The following DLC1 variants were observed in gnomAD, a reference collection of about 807,000 sequenced individuals.
DLC1 encodes the protein rho GTPase-activating protein 7.
In DLC1, 54 loss-of-function variants were observed where a neutral mutation model predicts 140.3. The ratio of observed to expected loss-of-function variants is 0.38; its 90% CI spans 0.31 to 0.48. DLC1 has a LOEUF of 0.48. Among genes scored for constraint, DLC1 ranks in the 20% least tolerant of loss-of-function variants. The pLI is 0.96. For missense variants in DLC1, 2,536 were observed against 1,907.0 expected, an observed-to-expected ratio of 1.33 and a Z score of -6.14; for synonymous variants, 986 against 728.1, an observed-to-expected ratio of 1.35 and a Z score of -5.70.
At chr8:13,348,849 G>A (rs1236211570) in intron 4 of DLC1, among the ~76,000 whole-genome samples, 1 of 152,188 alleles carries the variant, frequency 6.6e-6, no homozygotes, top group Non-Finnish European at 1.5e-5. Flanking sequence ...AGGCTGCAGA[G>A]AGCTGTATTC....
chr8:13,479,855 AGAAGAGAAAAAG>A lies in DLC1; in HGVS notation c.1023+19182_1023+19193del, dbSNP rs1449217203. On this transcript the variant is annotated intron_variant, in intron 2 of 17. Transcript: ENST00000276297. ...AAGAAGAAGAAGAAGAAGAAGAAGA[AGAAGAGAAAAAG>A]AAAGAAAGAAAGAAAGAAAGAAAAA... Among the ~76,000 whole-genome samples, 123 of 72,180 alleles carry A rather than the reference AGAAGAGAAAAAG, an allele frequency of 1.7e-3. 3 individuals carry two copies. The highest frequency in any genetic ancestry group is 5.1e-3 in the African/African-American group (103 of 20,076). 47.4% of individuals were successfully genotyped at this position (72,180 alleles called of 152,430 possible). A position where few individuals can be genotyped will look rare whatever the true frequency, so the allele number is the denominator to read the frequency against.
At chr8:13,382,576 G>A (rs1836324883) in intron 4 of DLC1, among the ~76,000 whole-genome samples, 1 of 147,158 alleles carries the variant, frequency 6.8e-6, no homozygotes, top group South Asian at 2.2e-4. Flanking sequence ...AAATATAAAG[G>A]TGCCAGAATT....
At chr8:13,582,117 A>G (rs551501440) in intron 1 of DLC1, among the ~76,000 whole-genome samples, 3 of 152,246 alleles carry the variant, frequency 2.0e-5, no homozygotes, top group East Asian at 1.9e-4. Flanking sequence ...ATTTTTTTCT[A>G]TAGCCTCTGG....
chr8:13,202,970 C>T (rs533324368), intron 5 of DLC1, among the ~76,000 whole-genome samples: 3 of 152,204 alleles, frequency 2.0e-5, no homozygotes, highest in Non-Finnish European at 2.9e-5. Flanking sequence ...ACCAAGCTTC[C>T]CCCTTGTAAC....
chr8:13,346,976 T>C (rs916425662), intron 4 of DLC1, among the ~76,000 whole-genome samples: 1 of 152,252 alleles, frequency 6.6e-6, no homozygotes, highest in Admixed American at 6.5e-5. Context: ...TCCACATTCC[T>C]ATAACTTTTA....
intron 1 of DLC1, among the ~76,000 whole-genome samples, chr8:13,534,052 A>G (rs1803188441): frequency 1.3e-5 from 2 of 152,184 alleles, no homozygotes; most frequent in African/African-American, 4.8e-5. Flanking sequence ...ATGTCCAAAT[A>G]ATTCTGATGA....
chr8:13,575,348 G>A (rs948936147), intron 1 of DLC1, among the ~76,000 whole-genome samples: 2 of 152,032 alleles, frequency 1.3e-5, no homozygotes, highest in African/African-American at 4.8e-5. Flanking sequence ...GGGTTAGGAG[G>A]GGGGTACGAG....
chr8:13,375,325 C>A (rs1323656517), intron 4 of DLC1, among the ~76,000 whole-genome samples: 1 of 152,054 alleles, frequency 6.6e-6, no homozygotes, highest in Non-Finnish European at 1.5e-5. Flanking sequence ...CCGCGCCCGG[C>A]CAAGAATGCT....
At chr8:13,466,530 G>A (rs889090873) in intron 2 of DLC1, among the ~76,000 whole-genome samples, 1 of 152,126 alleles carries the variant, frequency 6.6e-6, no homozygotes, top group Non-Finnish European at 1.5e-5. Flanking sequence ...TTTCCTGTGG[G>A]AGAGATACCT....
chr8:13,088,920 G>C (rs1478394299), intron 15 of DLC1, among the ~76,000 whole-genome samples: 1 of 152,144 alleles, frequency 6.6e-6, no homozygotes, highest in African/African-American at 2.4e-5. Flanking sequence ...ATATTTAAGA[G>C]CAAGCCAGAA....
At chr8:13,278,458 T>G (rs751411538) in intron 5 of DLC1, among the ~76,000 whole-genome samples, 1 of 152,200 alleles carries the variant, frequency 6.6e-6, no homozygotes, top group Admixed American at 6.5e-5. Flanking sequence ...TGCGGAACTT[T>G]AGGATGAATA....
At chr8:13,167,011 T>C (rs1262118562) in intron 5 of DLC1, among the ~76,000 whole-genome samples, 8 of 152,040 alleles carry the variant, frequency 5.3e-5, no homozygotes, top group Admixed American at 4.6e-4. Context: ...GCCTAGTTCA[T>C]CTCCTTTCAA....
chr8:13,266,722 G>T (rs972575796), intron 5 of DLC1, among the ~76,000 whole-genome samples: 5 of 151,926 alleles, frequency 3.3e-5, no homozygotes, highest in African/African-American at 1.2e-4. Context: ...TCCAGCCTGG[G>T]CAATAGAGAA....
At chr8:13,114,257 G>C (rs912110184) in intron 6 of DLC1, among the ~76,000 whole-genome samples, 4 of 152,216 alleles carry the variant, frequency 2.6e-5, no homozygotes, top group Admixed American at 1.3e-4. Context: ...AGCTACTCAG[G>C]AGGCTGAGGC....
At chr8:13,493,106 C>T (rs1801338749) in intron 2 of DLC1, among the ~76,000 whole-genome samples, 1 of 152,152 alleles carries the variant, frequency 6.6e-6, no homozygotes, top group African/African-American at 2.4e-5. Flanking sequence ...CAGTCTTTAG[C>T]CTAGGGAAAC....
intron 2 of DLC1, among the ~76,000 whole-genome samples, chr8:13,417,413 T>G (rs7387222): frequency 0.21 from 28,860 of 140,490 alleles, 3,306 homozygotes; most frequent in East Asian, 0.49. Context: ...CCTGTGTCCA[T>G]GTGTTCTCAC....
intron 2 of DLC1, among the ~76,000 whole-genome samples, chr8:13,455,550 AC>A (rs1300900349): frequency 2.0e-5 from 3 of 151,916 alleles, no homozygotes; most frequent in African/African-American, 7.3e-5. Context: ...CAGCTCCTTC[AC>A]CCCCATCTGG....
At chr8:13,478,373 C>G (rs1283649538) in intron 2 of DLC1, among the ~76,000 whole-genome samples, 1 of 152,182 alleles carries the variant, frequency 6.6e-6, no homozygotes, top group Admixed American at 6.5e-5. Context: ...GACCCAGAAA[C>G]CTCCCACCAG....
intron 5 of DLC1, among the ~76,000 whole-genome samples, chr8:13,164,595 C>G (rs1411492670): frequency 1.3e-5 from 2 of 152,108 alleles, no homozygotes; most frequent in African/African-American, 2.4e-5. Flanking sequence ...CAACATGGAA[C>G]CATGTTGGCA....
Sources: gnomAD v4.1 joint callset for allele counts (sites outside exome capture counted in the v4.1 genomes callset) on GRCh38, gnomAD v4.1.1 for gene constraint, MANE v1.5 for transcripts, NCBI Gene and HGNC (gene_info 2026-07-23, HGNC 2026-07-21) for gene names.